Variants in PKD1L1 observed in about 807,000 individuals in gnomAD.
The protein encoded by PKD1L1 is polycystin 1 like 1, transient receptor potential channel interacting.
PKD1L1 carries 236 observed loss-of-function variants against 323.4 expected under a neutral mutation model. That is an observed-to-expected ratio of 0.73 (90% CI 0.66 to 0.81). The LOEUF is 0.81. PKD1L1 is among the 40% of genes least tolerant of loss of function. The probability of loss-of-function intolerance (pLI) is 0.00; values close to 1 mark genes in which losing one functional copy is unlikely to be tolerated. For synonymous variants in PKD1L1, 1,344 were observed against 1,335.0 expected, an observed-to-expected ratio of 1.01 and a Z score of -0.15; for missense variants, 3,320 against 3,508.0, an observed-to-expected ratio of 0.95 and a Z score of 1.35.
At chr7:47,905,989 A>T (rs1411906784) in intron 9 of PKD1L1, 27 bp from the exon 10 acceptor site, 1 of 1,554,150 alleles carries the variant, frequency 6.4e-7, no homozygotes, top group African/African-American at 1.4e-5. Context: ...AGGAGATAAG[A>T]GAAAAAGTCT....
Position 47,800,682 on chromosome 7 carries a change from A to G in PKD1L1, c.8160T>C (p.Leu2720=), listed in dbSNP as rs755840060. The change falls in exon 54 of 57, where the codon CTT becomes CTC. Residue 2720 remains leucine, a synonymous_variant. Coordinates refer to ENST00000289672, the MANE Select transcript of PKD1L1 (RefSeq NM_138295.5). Reference sequence around the variant, plus strand: ...AACACAGTGTGGCAGAGACTATTAAAAGGATCCCAAAGTAACAAGCCATGG... The same window carrying G: ...AACACAGTGTGGCAGAGACTATTAAGAGGATCCCAAAGTAACAAGCCATGG... ...QRAMACYFGI[L]LIVSATLCFG... The G allele has an allele frequency of 1.2e-6, 2 of 1,614,214 alleles. No individual in the cohort carries two copies. The highest frequency in any genetic ancestry group is 1.7e-6 in the Non-Finnish European group (2 of 1,180,038).
intron 28 of PKD1L1, among the ~76,000 whole-genome samples, chr7:47,855,971 T>C (rs1166235671): frequency 6.6e-6 from 1 of 151,436 alleles, no homozygotes; most frequent in Non-Finnish European, 1.5e-5. Flanking sequence ...TATTTCAGGA[T>C]GTTGAGTATC....
chr7:47,873,796 T>A, intron 24 of PKD1L1, 103 bp downstream of exon 24: 1 of 788,250 alleles, frequency 1.3e-6, no homozygotes, highest in Non-Finnish European at 2.0e-6. Flanking sequence ...AGAAGATGAG[T>A]TCCTGACATG....
intron 52 of PKD1L1, among the ~76,000 whole-genome samples, chr7:47,806,496 C>T (rs1562938669): frequency 6.6e-6 from 1 of 152,178 alleles, no homozygotes; most frequent in Non-Finnish European, 1.5e-5. Context: ...AAAGGTAGAC[C>T]AGGAAGCCTG....
rs939904 is a variant in PKD1L1, at chr7:47,932,269, C to T, written c.399-213G>A. 0.53 allele frequency among the ~76,000 whole-genome samples: 80,013 copies of T among 152,066 alleles called. 21,137 individuals carry two copies. The highest frequency in any genetic ancestry group is 0.55 in the African/African-American group (22,857 of 41,460). ...AACCAGCGGGGCTGCTGCAGGCACTCGAGGGAGAAGTCTTAGGTAGAGTAG... is the reference window on the plus strand; with the variant it reads ...AACCAGCGGGGCTGCTGCAGGCACTTGAGGGAGAAGTCTTAGGTAGAGTAG... On this transcript the variant is annotated intron_variant, in intron 4 of 56. Coordinates refer to ENST00000289672, the MANE Select transcript of PKD1L1 (RefSeq NM_138295.5).
At chr7:47,899,343 A>G (rs1172170382) in intron 13 of PKD1L1, among the ~76,000 whole-genome samples, 1 of 152,198 alleles carries the variant, frequency 6.6e-6, no homozygotes, top group Non-Finnish European at 1.5e-5. Context: ...AAGAATTTTA[A>G]ATGTTAATAG....
chr7:47,791,512 T>A (rs1232956068), intron 56 of PKD1L1, among the ~76,000 whole-genome samples: 1 of 152,114 alleles, frequency 6.6e-6, no homozygotes, highest in East Asian at 1.9e-4. Flanking sequence ...AACATCTCGG[T>A]TACAATTTTT....
At chr7:47,860,080 A>G (rs1562962249) in intron 26 of PKD1L1, among the ~76,000 whole-genome samples, 1 of 152,244 alleles carries the variant, frequency 6.6e-6, no homozygotes, top group East Asian at 1.9e-4. Context: ...AAAAATATTT[A>G]GAAGCAAAAA....
chr7:47,913,414 A>AT (rs751653766), intron 8 of PKD1L1, among the ~76,000 whole-genome samples: 2 of 152,166 alleles, frequency 1.3e-5, no homozygotes, highest in Non-Finnish European at 2.9e-5. Context: ...CTCATGTCGA[A>AT]TTGCATTCCC....
chr7:47,929,676 G>T, intron 6 of PKD1L1, 150 bp from the exon 7 acceptor site: 2 of 729,778 alleles, frequency 2.7e-6, no homozygotes. Context: ...GGTTCTCAGA[G>T]TGGGGTCCCA....
At chr7:47,801,269 G>A (rs1459054252) in intron 53 of PKD1L1, among the ~76,000 whole-genome samples, 1 of 152,128 alleles carries the variant, frequency 6.6e-6, no homozygotes, top group Non-Finnish European at 1.5e-5. Context: ...TATGTCCCCC[G>A]CACCTGGCCA....
intron 2 of PKD1L1, among the ~76,000 whole-genome samples, chr7:47,943,194 A>ATG (rs1788032949): frequency 7.4e-6 from 1 of 134,578 alleles, no homozygotes; most frequent in Non-Finnish European, 1.6e-5. Flanking sequence ...ATATATATAT[A>ATG]TATGTGTGTG....
At chr7:47,913,872 T>C (rs1414596394) in intron 8 of PKD1L1, among the ~76,000 whole-genome samples, 1 of 152,130 alleles carries the variant, frequency 6.6e-6, no homozygotes, top group Non-Finnish European at 1.5e-5. Context: ...GTAGAAATCA[T>C]ACAGTAAACG....
chr7:47,834,087 G>C (rs1036060353), intron 40 of PKD1L1, among the ~76,000 whole-genome samples: 2 of 152,200 alleles, frequency 1.3e-5, no homozygotes, highest in African/African-American at 4.8e-5. Context: ...GGCCTCTGCT[G>C]AGACCCCTTC....
chr7:47,940,064 G>T (rs1787952014), intron 3 of PKD1L1, 129 bp downstream of exon 3: 2 of 1,253,000 alleles, frequency 1.6e-6, no homozygotes, highest in Non-Finnish European at 2.3e-6. Flanking sequence ...TGCTTCATTG[G>T]CACAAACACA....
At chr7:47,940,378 A>G in intron 2 of PKD1L1, 61 bp from the exon 3 acceptor site, 2 of 1,559,036 alleles carry the variant, frequency 1.3e-6, no homozygotes, top group South Asian at 2.4e-5. Context: ...AGGTGAGAAC[A>G]TAAAGCTGGA....
intron 52 of PKD1L1, among the ~76,000 whole-genome samples, chr7:47,805,165 C>T (rs1275178656): frequency 1.3e-5 from 2 of 152,016 alleles, no homozygotes; most frequent in African/African-American, 2.4e-5. Context: ...CATAGTTCTA[C>T]CTTATTAAGA....
intron 19 of PKD1L1, 51 bp from the exon 20 acceptor site, chr7:47,882,136 A>G (rs1786570780): frequency 3.2e-6 from 5 of 1,564,780 alleles, no homozygotes; most frequent in Non-Finnish European, 3.5e-6. Context: ...AGTCATGATG[A>G]TCTTAAAGCA....
At chr7:47,917,630 T>C (rs897180007) in intron 7 of PKD1L1, among the ~76,000 whole-genome samples, 6 of 152,314 alleles carry the variant, frequency 3.9e-5, no homozygotes, top group Middle Eastern at 3.4e-3. Flanking sequence ...TAGCAGCAGA[T>C]TTCTCAGCAG....
Sources: allele counts gnomAD v4.1 joint callset (sites outside exome capture counted in the v4.1 genomes callset), GRCh38; gene constraint gnomAD v4.1.1; transcripts MANE v1.5; gene names NCBI Gene and HGNC (gene_info 2026-07-23, HGNC 2026-07-21).